COL4A3: variants seen among roughly 807,000 people sequenced by gnomAD.
COL4A3 encodes the protein collagen type IV alpha 3 chain, also known as collagen alpha-3(IV) chain.
A neutral mutation model predicts 217.4 loss-of-function variants in COL4A3; 135 were observed. The ratio of observed to expected loss-of-function variants is 0.62; its 90% CI spans 0.54 to 0.72. The LOEUF (loss-of-function observed/expected upper bound fraction) is 0.72, where lower values mean the gene tolerates loss of function less well. Among genes scored for constraint, COL4A3 ranks in the 30% least tolerant of loss-of-function variants. The pLI is 0.00. For synonymous variants in COL4A3, 690 were observed against 736.3 expected, an observed-to-expected ratio of 0.94 and a Z score of 1.02; for missense variants, 1,868 against 2,119.9, an observed-to-expected ratio of 0.88 and a Z score of 2.33.
intron 33 of COL4A3, 117 bp from the exon 34 acceptor site, chr2:227,284,094 C>T (rs1029699679): frequency 1.4e-6 from 2 of 1,386,218 alleles, no homozygotes; most frequent in South Asian, 1.2e-5. Flanking sequence ...AAGTTCTCAG[C>T]ACTGTTAGCC....
In COL4A3 at chr2:227,224,682, G is replaced by A. The variant is rs140046585; in HGVS notation, c.88-13286G>A. Among the ~76,000 whole-genome samples, 219 of 152,072 alleles carry A rather than the reference G, an allele frequency of 1.4e-3. 2 individuals carry two copies. The highest frequency in any genetic ancestry group is 5.1e-3 in the African/African-American group (211 of 41,476). On this transcript the variant is annotated intron_variant, in intron 1 of 51. Coordinates refer to ENST00000396578, the MANE Select transcript of COL4A3 (RefSeq NM_000091.5). ...AAGCAGGAGAATCGCTTGAACCCGG[G>A]AGGCAGAGGTTGCAGTGAGCCGAGA...
chr2:227,301,411 A>G (rs1349169325), intron 43 of COL4A3, among the ~76,000 whole-genome samples: 2 of 152,220 alleles, frequency 1.3e-5, no homozygotes, highest in Admixed American at 6.5e-5. Context: ...GTGCTTTGCC[A>G]TAGCTCATTG....
chr2:227,172,397 G>A (rs2065510704), intron 1 of COL4A3, among the ~76,000 whole-genome samples: 1 of 152,052 alleles, frequency 6.6e-6, no homozygotes, highest in African/African-American at 2.4e-5. Context: ...CCCTCTTTCT[G>A]GCTTGCAGAC....
At chr2:227,279,711 G>A in intron 28 of COL4A3, 82 bp from the exon 29 acceptor site, 1 of 925,596 alleles carries the variant, frequency 1.1e-6, no homozygotes, top group Non-Finnish European at 1.7e-6. Flanking sequence ...ATCTCTAGCT[G>A]GTTGAGAGAT....
At chr2:227,311,468 T>G (rs1210887726) in intron 51 of COL4A3, among the ~76,000 whole-genome samples, 3 of 151,928 alleles carry the variant, frequency 2.0e-5, no homozygotes, top group Non-Finnish European at 4.4e-5. Flanking sequence ...GAACCTCCAC[T>G]TCCCAGGTTT....
At chr2:227,241,891 T>C (rs2069043003) in intron 3 of COL4A3, among the ~76,000 whole-genome samples, 1 of 152,146 alleles carries the variant, frequency 6.6e-6, no homozygotes, top group African/African-American at 2.4e-5. Context: ...CTCCACTACA[T>C]GGATGAGAAA....
chr2:227,280,461 C>A lies in COL4A3; in HGVS notation c.2245C>A (p.Pro749Thr). 1.9e-6 allele frequency: 3 copies of A among 1,614,108 alleles called. No homozygotes were observed. Among genetic ancestry groups the A allele is most frequent in the Non-Finnish European group, 2.5e-6 (3 of 1,180,016 alleles). ...GTAGGGAGAACCAGCAGTAGCCATG[C>A]CTGGAGGACCAGGAACACCAGGTTT... Reference protein sequence around the residue: ...GAKGEPAVAMPGGPGTPGFPG... With the variant: ...GAKGEPAVAMTGGPGTPGFPG... The change falls in exon 30 of 52, where the codon CCT becomes ACT. Residue 749 changes from proline (P) to threonine (T), a missense_variant. By Grantham distance (38) the Pro-to-Thr change is conservative (BLOSUM62 -1). This residue lies in a region of COL4A3 where 1,503 missense variants were observed against 1,786.1 expected (regional missense o/e 0.84). Transcript: ENST00000396578.
Position 227,279,823 on chromosome 2 carries a change from C to T in COL4A3, c.2156C>T (p.Ser719Leu), listed in dbSNP as rs1164505506. The T allele has an allele frequency of 3.7e-6, 6 of 1,610,128 alleles. No individual in the cohort carries two copies. The highest frequency in any genetic ancestry group is 1.3e-5 in the African/African-American group (1 of 74,846). ...CAAGGTTTTCCAGGTACAAAAGGAT[C>T]ACTGGGTTGTCCTGGAAAAATGGGA... Reference protein sequence around the residue: ...GDQGFPGTKGSLGCPGKMGEP... With the variant: ...GDQGFPGTKGLLGCPGKMGEP... The change falls in exon 29 of 52, where the codon TCA becomes TTA. Residue 719 changes from serine (S) to leucine (L), a missense_variant. Ser to Leu is a moderately radical substitution (Grantham distance 145, BLOSUM62 -2). Transcript: ENST00000396578.
intron 7 of COL4A3, 141 bp from the exon 8 acceptor site, chr2:227,247,417 A>T: frequency 1.3e-6 from 1 of 795,570 alleles, no homozygotes; most frequent in Non-Finnish European, 2.3e-6. Context: ...GTAAAAGATT[A>T]AGGGAAGACT....
Position 227,180,626 on chromosome 2 carries a change from C to A in COL4A3, c.87+15813C>A, listed in dbSNP as rs2065840672. Among the ~76,000 whole-genome samples, 3 of 152,176 alleles carry A rather than the reference C, an allele frequency of 2.0e-5. No homozygotes were observed. In the South Asian group the frequency reaches 6.2e-4, roughly 32 times the overall value. ...ACTGTTGTGACAGTTTTGGGCAAGT[C>A]ACTAAAATTCCAAGGCCACTCAGAT... On this transcript the variant is annotated intron_variant, in intron 1 of 51. Transcript: ENST00000396578.
In COL4A3 at chr2:227,250,259, G is replaced by T. The variant is rs528235896; in HGVS notation, c.547-881G>T. Among the ~76,000 whole-genome samples the T allele has an allele frequency of 2.0e-4, 31 of 152,252 alleles. No homozygotes were observed. The highest frequency in any genetic ancestry group is 4.6e-4 in the Admixed American group (7 of 15,290). Reference sequence around the variant, plus strand: ...ACCCGGGAGGCAGAGGCTGCAGTGAGCAGAGATCGTACCACTGCACTCCAG... The same window carrying T: ...ACCCGGGAGGCAGAGGCTGCAGTGATCAGAGATCGTACCACTGCACTCCAG... On this transcript the variant is annotated intron_variant, in intron 9 of 51. Transcript: ENST00000396578. This position sits in a 1 kb window ranked among gnomAD's most constrained non-coding sequence, Gnocchi z 4.1.
chr2:227,244,914 T>A (rs2069236261), intron 4 of COL4A3, 37 bp from the exon 5 acceptor site: 1 of 1,607,226 alleles, frequency 6.2e-7, no homozygotes, highest in East Asian at 2.2e-5. Context: ...TAAAGTTTTT[T>A]TTTTTTGCCA....
rs748137090 is a variant in COL4A3 at position 227,244,367 on chromosome 2, T to C, written c.279+3T>C. 25 of 1,613,612 alleles carry C rather than the reference T, an allele frequency of 1.5e-5. No individual in the cohort carries two copies. The highest frequency in any genetic ancestry group is 2.0e-5 in the Non-Finnish European group (24 of 1,179,724). On this transcript the variant is annotated splice_donor_region_variant and intron_variant, in intron 4 of 51. Transcript: ENST00000396578. ...TCACGGGTTCCAAAGGTGTAAGGGT[T>C]AGTAGTCCAACCAGTCCACCCTGAT... is the stretch of plus-strand genomic sequence containing the variant.
At position 227,279,886 on chromosome 2, in the gene COL4A3, C is replaced by G. The variant is rs1457828414; in HGVS notation, c.2219C>G (p.Ala740Gly). The G allele has an allele frequency of 3.7e-6, 6 of 1,601,342 alleles. No homozygotes were observed. Among genetic ancestry groups the G allele is most frequent in the Non-Finnish European group, 5.1e-6 (6 of 1,173,334 alleles). The stretch of plus-strand genomic sequence containing the variant: ...CCTGGAAAGCCAGGCCTCCCAGGAG[C>G]CAAGGTATGCAAAAATTCAAGCTAT... ...GLPGKPGLPG[A>G]KGEPAVAMPG... The change falls in exon 29 of 52, where the codon GCC (alanine) becomes GGC (glycine). Residue 740 changes from alanine to glycine, a missense_variant. Ala to Gly is a moderately conservative substitution (Grantham distance 60, BLOSUM62 0). Transcript: ENST00000396578.
chr2:227,292,625 A>C (rs2072811304), intron 37 of COL4A3, among the ~76,000 whole-genome samples: 1 of 152,242 alleles, frequency 6.6e-6, no homozygotes, highest in African/African-American at 2.4e-5. Flanking sequence ...GTGAAGATTT[A>C]ATGAACACTA....
intron 1 of COL4A3, among the ~76,000 whole-genome samples, chr2:227,203,369 G>A (rs1405372517): frequency 2.3e-5 from 1 of 43,068 alleles, no homozygotes; most frequent in African/African-American, 1.1e-4. Flanking sequence ...ATACATATAT[G>A]TGTATACATA....
chr2:227,312,493 A>G lies in COL4A3; in HGVS notation c.*623A>G, dbSNP rs1409429509. The G allele has an allele frequency of 6.6e-6, 1 of 152,110 alleles. No individual in the cohort carries two copies. The highest frequency in any genetic ancestry group is 2.4e-5 in the African/African-American group (1 of 41,386). The allele number at this position is 152,110 out of a possible 1,614,324, so 9.4% of individuals were successfully genotyped here. ...GGGGATTCCCTGATGGAACCATAAT[A>G]CCCTTGGAAATACTGTATGGTTTTG... On this transcript the variant is annotated 3_prime_UTR_variant, in exon 52 of 52. Transcript: ENST00000396578.
chr2:227,282,304 C>T lies in COL4A3; in HGVS notation c.2489-61C>T, dbSNP rs2072032739. The T allele has an allele frequency of 6.5e-6, 6 of 921,364 alleles. No homozygotes were observed. In the East Asian group the frequency reaches 1.8e-4, roughly 28 times the overall value. 57.1% of individuals were successfully genotyped at this position (921,364 alleles called of 1,614,324 possible). On this transcript the variant is annotated intron_variant, in intron 31 of 51. Transcript: ENST00000396578. This position sits in a 1 kb window ranked among gnomAD's most constrained non-coding sequence, Gnocchi z 4.4. Reference sequence around the variant, plus strand: ...TATATATATATATATATATATATTTCTGAAGTTAGTAGGGGAAAGCATTTG... The same window carrying T: ...TATATATATATATATATATATATTTTTGAAGTTAGTAGGGGAAAGCATTTG...
At chr2:227,288,330 C>T (rs191540493) in intron 34 of COL4A3, among the ~76,000 whole-genome samples, 21 of 152,300 alleles carry the variant, frequency 1.4e-4, no homozygotes, top group African/African-American at 4.8e-4. Context: ...CTCCTGACCT[C>T]AAATGTTCTG....
Sources: allele counts gnomAD v4.1 joint callset (sites outside exome capture counted in the v4.1 genomes callset), GRCh38; gene constraint gnomAD v4.1.1; regional missense constraint gnomAD v4.1.1; non-coding constraint Gnocchi (gnomAD v3.1); transcripts MANE v1.5; gene names NCBI Gene and HGNC (gene_info 2026-07-23, HGNC 2026-07-21).